ASPRV1: variants seen among roughly 807,000 people sequenced by gnomAD.
The protein encoded by ASPRV1 is aspartic peptidase retroviral like 1.
ASPRV1 carries 7 observed loss-of-function variants against 11.0 expected under a neutral mutation model. The ratio of observed to expected loss-of-function variants is 0.64; its 90% CI spans 0.36 to 1.20. The LOEUF is 1.20. ASPRV1 is among the 50% of genes most tolerant of loss of function. The pLI, the probability that ASPRV1 is intolerant of heterozygous loss-of-function variation, is 0.02. For missense variants in ASPRV1, 299 were observed against 320.0 expected (o/e 0.93, Z 0.50); for synonymous variants, 136 against 138.4 (o/e 0.98, Z 0.12).
the ASPRV1 span, among the ~76,000 whole-genome samples, chr2:70,025,633 T>C: frequency 2.0e-5 from 3 of 152,170 alleles, no homozygotes; most frequent in Non-Finnish European, 1.5e-5. Flanking sequence ...TGCTAGCCCT[T>C]AGCAGCCCCT....
the ASPRV1 span, among the ~76,000 whole-genome samples, chr2:70,014,224 A>C: frequency 6.6e-6 from 1 of 152,206 alleles, no homozygotes; most frequent in Non-Finnish European, 1.5e-5. Flanking sequence ...AGAGTAAAAA[A>C]GGTGATGCAC....
the ASPRV1 span, among the ~76,000 whole-genome samples, chr2:69,952,482 C>G: frequency 0.28 from 41,750 of 148,292 alleles, 8,928 homozygotes; most frequent in African/African-American, 0.57. Flanking sequence ...TCCAGCCTGG[C>G]ACGACACAGC....
the ASPRV1 span, chr2:70,071,500 G>A: frequency 1.3e-5 from 2 of 152,218 alleles, no homozygotes; most frequent in African/African-American, 4.8e-5. Context: ...CCAGCACTTT[G>A]GGAGGCTGAG....
chr2:70,045,577 A>G, the ASPRV1 span: 4 of 152,354 alleles, frequency 2.6e-5, no homozygotes, highest in African/African-American at 9.6e-5. Context: ...GTTAAAAGGA[A>G]TGCAATTCTG....
At chr2:69,937,261 C>T in the ASPRV1 span, 17 of 1,613,978 alleles carry the variant, frequency 1.1e-5, no homozygotes, top group Middle Eastern at 3.3e-4. Context: ...ACAGAAAAGC[C>T]GTTCACCAAA....
chr2:70,007,283 T>C, the ASPRV1 span, among the ~76,000 whole-genome samples: 3 of 152,084 alleles, frequency 2.0e-5, no homozygotes, highest in Non-Finnish European at 4.4e-5. Flanking sequence ...CTTGGGAGGC[T>C]GAGGCGGGTG....
At chr2:70,029,638 AAAAACAAAAC>A in the ASPRV1 span, among the ~76,000 whole-genome samples, 1 of 152,156 alleles carries the variant, frequency 6.6e-6, no homozygotes, top group Admixed American at 6.5e-5. Context: ...ACTCCGTCTC[AAAAACAAAAC>A]AAAACAAAAT....
chr2:70,009,262 A>G, the ASPRV1 span, among the ~76,000 whole-genome samples: 6 of 152,158 alleles, frequency 3.9e-5, no homozygotes, highest in African/African-American at 1.4e-4. Flanking sequence ...AACTGTTTGG[A>G]TTTTTAAATG....
chr2:69,996,650 T>C, the ASPRV1 span: 3 of 450,960 alleles, frequency 6.7e-6, no homozygotes, highest in South Asian at 4.7e-5. Flanking sequence ...ATGCAAATGC[T>C]TCTGAGAGAG....
chr2:69,996,373 C>T, the ASPRV1 span, among the ~76,000 whole-genome samples: 1 of 151,866 alleles, frequency 6.6e-6, no homozygotes, highest in African/African-American at 2.4e-5. Context: ...GCGTGGGTGA[C>T]AGAGTAAGAC....
At chr2:70,084,139 A>G in the ASPRV1 span, among the ~76,000 whole-genome samples, 2 of 152,220 alleles carry the variant, frequency 1.3e-5, no homozygotes. Flanking sequence ...AGGTGCACTA[A>G]GTCCCAGGAG....
At chr2:70,017,190 A>G in the ASPRV1 span, among the ~76,000 whole-genome samples, 1 of 152,164 alleles carries the variant, frequency 6.6e-6, no homozygotes, top group Admixed American at 6.6e-5. Context: ...ACAGGGTTTC[A>G]CCATGTTAGC....
upstream of ASPRV1, among the ~76,000 whole-genome samples, chr2:69,966,316 G>A (rs959953377): frequency 3.3e-5 from 5 of 152,226 alleles, no homozygotes; most frequent in African/African-American, 2.4e-5. Flanking sequence ...CCAGCCCTCC[G>A]AATTGGGTTT....
At chr2:70,053,373 T>C in the ASPRV1 span, among the ~76,000 whole-genome samples, 6 of 152,018 alleles carry the variant, frequency 3.9e-5, no homozygotes, top group East Asian at 1.9e-4. Flanking sequence ...GTGGGGGGTA[T>C]AGGCACATGA....
the ASPRV1 span, among the ~76,000 whole-genome samples, chr2:70,082,844 C>T: frequency 6.6e-6 from 1 of 152,020 alleles, no homozygotes; most frequent in African/African-American, 2.4e-5. Context: ...CAGTGAGCTA[C>T]GATGGAGCCA....
the ASPRV1 span, among the ~76,000 whole-genome samples, chr2:69,987,954 C>G: frequency 7.2e-4 from 110 of 152,314 alleles, no homozygotes; most frequent in African/African-American, 2.4e-3. Flanking sequence ...TACAATGTGC[C>G]AGGCACTGCC....
the ASPRV1 span, among the ~76,000 whole-genome samples, chr2:69,983,001 C>T: frequency 6.6e-6 from 1 of 152,136 alleles, no homozygotes; most frequent in Non-Finnish European, 1.5e-5. Context: ...TCACTGCAAC[C>T]TCCATCTCCA....
the ASPRV1 span, among the ~76,000 whole-genome samples, chr2:70,047,716 A>G: frequency 6.6e-6 from 1 of 152,224 alleles, no homozygotes; most frequent in Non-Finnish European, 1.5e-5. Context: ...AGATCAGGTG[A>G]GATGGTCAGG....
the ASPRV1 span, among the ~76,000 whole-genome samples, chr2:70,009,313 T>TATTTATTTATTTATTC: frequency 2.1e-5 from 3 of 146,292 alleles, no homozygotes; most frequent in Non-Finnish European, 4.6e-5. Flanking sequence ...TTTATTGTCT[T>TATTTATTTATTTATTC]ATTTATTTAT....
Sources: allele counts gnomAD v4.1 joint callset (sites outside exome capture counted in the v4.1 genomes callset), GRCh38; gene constraint gnomAD v4.1.1; transcripts MANE v1.5; gene names NCBI Gene and HGNC (gene_info 2026-07-23, HGNC 2026-07-21).